The following EHBP1 variants were observed in gnomAD, a reference collection of about 807,000 sequenced individuals.
The protein encoded by EHBP1 is EH domain-binding protein 1.
Under a neutral mutation model 144.0 loss-of-function variants are expected in EHBP1, and 55 were observed. The ratio of observed to expected loss-of-function variants is 0.38; its 90% CI spans 0.31 to 0.48. The LOEUF is 0.48. Among genes scored for constraint, EHBP1 ranks in the 20% least tolerant of loss-of-function variants. EHBP1 has a pLI of 0.98. For missense variants in EHBP1, 1,200 were observed against 1,364.2 expected (o/e 0.88, Z 1.90); for synonymous variants, 469 against 472.7 (o/e 0.99, Z 0.10).
intron 5 of EHBP1, among the ~76,000 whole-genome samples, chr2:62,811,734 C>A (rs890577414): frequency 7.9e-5 from 12 of 152,170 alleles, no homozygotes; most frequent in African/African-American, 2.7e-4. Flanking sequence ...TAAAAAACTT[C>A]TAAGGTCTCT....
chr2:62,716,890 T>C (rs2035738322), intron 2 of EHBP1, among the ~76,000 whole-genome samples: 1 of 152,244 alleles, frequency 6.6e-6, no homozygotes, highest in Non-Finnish European at 1.5e-5. Context: ...TGCCACCTGC[T>C]ACAATTTATG....
chr2:62,955,378 C>A (rs2057633634), intron 13 of EHBP1, 139 bp from the exon 14 acceptor site: 3 of 754,742 alleles, frequency 4.0e-6, no homozygotes, highest in Admixed American at 3.3e-5. Context: ...CATTAATATT[C>A]TCTATAGGTA....
At chr2:62,991,194 G>A (rs2059399189) in intron 16 of EHBP1, among the ~76,000 whole-genome samples, 1 of 151,106 alleles carries the variant, frequency 6.6e-6, no homozygotes, top group South Asian at 2.1e-4. Flanking sequence ...GCAGTGAGTG[G>A]TGATCATGTC....
intron 7 of EHBP1, among the ~76,000 whole-genome samples, chr2:62,850,866 A>T (rs1447222351): frequency 6.6e-6 from 1 of 152,188 alleles, no homozygotes; most frequent in Non-Finnish European, 1.5e-5. Context: ...TTTTTTTAGA[A>T]GGAGAAATAC....
intron 15 of EHBP1, among the ~76,000 whole-genome samples, chr2:62,984,002 C>T (rs950866976): frequency 1.3e-5 from 2 of 152,102 alleles, no homozygotes; most frequent in African/African-American, 4.8e-5. Flanking sequence ...CTTAGGTCTT[C>T]AATAATTTTT....
At chr2:62,686,609 T>C (rs1417594746) in intron 1 of EHBP1, among the ~76,000 whole-genome samples, 1 of 152,262 alleles carries the variant, frequency 6.6e-6, no homozygotes, top group Non-Finnish European at 1.5e-5. Flanking sequence ...CTCTTTGTAC[T>C]GAGCTGTGTG....
At chr2:62,715,744 T>A (rs1432894544) in intron 2 of EHBP1, among the ~76,000 whole-genome samples, 1 of 152,180 alleles carries the variant, frequency 6.6e-6, no homozygotes, top group Non-Finnish European at 1.5e-5. Flanking sequence ...AACTGGGGGA[T>A]GATGGGTAAC....
intron 7 of EHBP1, among the ~76,000 whole-genome samples, chr2:62,845,017 T>C (rs1877025): frequency 1 from 152,068 of 152,282 alleles, 75,927 homozygotes; most frequent in Middle Eastern, 1. Flanking sequence ...GGGTACAAAG[T>C]GACAAGATTC....
Position 63,037,032 on chromosome 2 carries a change from G to C in EHBP1, c.3104-503G>C, listed in dbSNP as rs539612628. Among the ~76,000 whole-genome samples, 37 of 151,982 alleles carry C rather than the reference G, an allele frequency of 2.4e-4. 1 individual carries two copies. In the South Asian group the frequency reaches 7.5e-3, roughly 31 times the overall value. ...ATAAGTAGTCTACCCTATTAGGGAT[G>C]ATGAGTTCCAAAATGTCATATATAT... is the stretch of plus-strand genomic sequence containing the variant. On this transcript the variant is annotated intron_variant, in intron 19 of 22. Coordinates refer to ENST00000431489, the MANE Select transcript of EHBP1 (RefSeq NM_001142616.3).
chr2:62,681,340 G>GTATA lies in EHBP1; in HGVS notation c.-296+7274_-296+7277dup, dbSNP rs768323831. Among the ~76,000 whole-genome samples the GTATA allele has an allele frequency of 3.9e-4, 23 of 58,550 alleles. 2 individuals carry two copies. The highest frequency in any genetic ancestry group is 8.5e-4 in the East Asian group (2 of 2,362). 38.4% of individuals were successfully genotyped at this position (58,550 alleles called of 152,430 possible). A position where few individuals can be genotyped will look rare whatever the true frequency, so the allele number is the denominator to read the frequency against. ...TATATATTTGTATGTATGTGTGTGTGTATATATATATATATATATAATGTG... is the reference window on the plus strand; with the variant it reads ...TATATATTTGTATGTATGTGTGTGTGTATATATATATATATATATATATAATGTG... On this transcript the variant is annotated intron_variant, in intron 1 of 22. Transcript: ENST00000405015.
At chr2:62,818,801 G>C (rs555094822) in intron 5 of EHBP1, among the ~76,000 whole-genome samples, 1 of 152,112 alleles carries the variant, frequency 6.6e-6, no homozygotes, top group Non-Finnish European at 1.5e-5. Flanking sequence ...TGGGAACAAA[G>C]GAGAAAAGGC....
At chr2:62,731,389 A>G (rs1025862380) in intron 2 of EHBP1, among the ~76,000 whole-genome samples, 2 of 152,098 alleles carry the variant, frequency 1.3e-5, no homozygotes, top group Admixed American at 6.5e-5. Flanking sequence ...TTTCCAACCT[A>G]TATACCTTTT....
At chr2:62,676,621 G>A (rs188147079) in intron 1 of EHBP1, among the ~76,000 whole-genome samples, 70 of 152,228 alleles carry the variant, frequency 4.6e-4, no homozygotes, top group African/African-American at 1.6e-3. Flanking sequence ...AATTGTATAA[G>A]CTTCATTATT....
chr2:62,929,812 A>C (rs1180751545), intron 10 of EHBP1, among the ~76,000 whole-genome samples: 2 of 152,046 alleles, frequency 1.3e-5, no homozygotes, highest in Non-Finnish European at 2.9e-5. Context: ...TATATAAAAA[A>C]CACTATAAAG....
At chr2:62,858,855 G>T (rs1013597305) in intron 7 of EHBP1, among the ~76,000 whole-genome samples, 1 of 152,144 alleles carries the variant, frequency 6.6e-6, no homozygotes, top group Non-Finnish European at 1.5e-5. Context: ...CTGTTTGGGA[G>T]TGAAGAATGT....
chr2:62,864,689 A>G (rs182546674), intron 8 of EHBP1, 42 bp from the exon 9 acceptor site: 2 of 1,554,350 alleles, frequency 1.3e-6, no homozygotes, highest in African/African-American at 1.4e-5. Flanking sequence ...AAAATATCAT[A>G]TGGTATTCAT....
chr2:62,701,529 T>A (rs950964442), upstream of EHBP1, among the ~76,000 whole-genome samples: 1 of 152,130 alleles, frequency 6.6e-6, no homozygotes, highest in African/African-American at 2.4e-5. Flanking sequence ...CAATAAAAAA[T>A]TTTTTGTTTT....
At chr2:62,729,090 G>T (rs2151994926) in intron 2 of EHBP1, among the ~76,000 whole-genome samples, 1 of 150,694 alleles carries the variant, frequency 6.6e-6, no homozygotes, top group South Asian at 2.1e-4. Context: ...TATTTTACCT[G>T]TGCAGAAGAC....
chr2:62,832,871 G>GT (rs1471752151), intron 7 of EHBP1, among the ~76,000 whole-genome samples: 3 of 152,126 alleles, frequency 2.0e-5, no homozygotes, highest in African/African-American at 7.2e-5. Flanking sequence ...AGAGTTGCAT[G>GT]TATTTTCCTT....
Sources: allele counts gnomAD v4.1 joint callset (sites outside exome capture counted in the v4.1 genomes callset), GRCh38; gene constraint gnomAD v4.1.1; transcripts MANE v1.5; gene names NCBI Gene and HGNC (gene_info 2026-07-23, HGNC 2026-07-21).